The following SNTG1 variants were observed in gnomAD, a reference collection of about 807,000 sequenced individuals.
SNTG1 encodes the protein syntrophin gamma 1, also known as gamma-1-syntrophin.
Under a neutral mutation model 74.7 loss-of-function variants are expected in SNTG1, and 39 were observed. That is an observed-to-expected ratio of 0.52 (90% CI 0.40 to 0.68). SNTG1 has a LOEUF of 0.68. Ranked by LOEUF, SNTG1 falls within the 30% of genes least tolerant of loss-of-function variation. The probability of loss-of-function intolerance (pLI) is 0.00; values close to 1 mark genes in which losing one functional copy is unlikely to be tolerated. For missense variants in SNTG1, 685 were observed against 609.5 expected (o/e 1.12, Z -1.30); for synonymous variants, 254 against 217.1 (o/e 1.17, Z -1.49).
At chr8:50,782,426 A>G (rs1455870256) in intron 18 of SNTG1, among the ~76,000 whole-genome samples, 6 of 151,886 alleles carry the variant, frequency 4.0e-5, no homozygotes, top group African/African-American at 1.2e-4. Flanking sequence ...TTTTCTCTAA[A>G]CTTTCCTTCT....
At chr8:50,671,198 C>A (rs1046613324) in intron 15 of SNTG1, among the ~76,000 whole-genome samples, 160 of 152,064 alleles carry the variant, frequency 1.1e-3, no homozygotes, top group African/African-American at 3.6e-3. Context: ...CAAATGGGAT[C>A]TAATTAAACT....
chr8:50,202,955 C>A (rs1314093814), intron 2 of SNTG1, among the ~76,000 whole-genome samples: 1 of 151,798 alleles, frequency 6.6e-6, no homozygotes. Flanking sequence ...TCAAATATTT[C>A]TTGGTTTTGT....
chr8:50,679,509 A>C (rs1392796219), intron 15 of SNTG1, among the ~76,000 whole-genome samples: 1 of 152,186 alleles, frequency 6.6e-6, no homozygotes, highest in Non-Finnish European at 1.5e-5. Flanking sequence ...TAAGCATTCA[A>C]TACATGTTAG....
intron 2 of SNTG1, among the ~76,000 whole-genome samples, chr8:50,276,956 A>T (rs2088148608): frequency 1.3e-5 from 2 of 151,958 alleles, no homozygotes; most frequent in Non-Finnish European, 2.9e-5. Flanking sequence ...CAGCCTCCCA[A>T]GTAGCTGAGA....
intron 2 of SNTG1, among the ~76,000 whole-genome samples, chr8:50,207,191 G>T (rs2084286660): frequency 6.6e-6 from 1 of 152,090 alleles, no homozygotes; most frequent in South Asian, 2.1e-4. Flanking sequence ...GAATCCCTCT[G>T]GTCCTGGACT....
intron 1 of SNTG1, among the ~76,000 whole-genome samples, chr8:50,003,845 A>C (rs1814969046): frequency 6.6e-6 from 1 of 152,196 alleles, no homozygotes; most frequent in Non-Finnish European, 1.5e-5. Flanking sequence ...AGAATTAAGT[A>C]ACTTCCAGGT....
intron 15 of SNTG1, among the ~76,000 whole-genome samples, chr8:50,664,087 G>A (rs1055270392): frequency 3.9e-5 from 6 of 152,070 alleles, no homozygotes; most frequent in Non-Finnish European, 1.5e-5. Context: ...TCAAAATTTA[G>A]GATCAACAAT....
chr8:50,265,967 A>T (rs180727096), intron 2 of SNTG1, among the ~76,000 whole-genome samples: 1 of 152,084 alleles, frequency 6.6e-6, no homozygotes, highest in Non-Finnish European at 1.5e-5. Context: ...AAGACATACC[A>T]TATTCATAGA....
intron 10 of SNTG1, among the ~76,000 whole-genome samples, chr8:50,532,431 A>G (rs753586638): frequency 6.6e-6 from 1 of 152,356 alleles, no homozygotes; most frequent in Non-Finnish European, 1.5e-5. Flanking sequence ...ATTAACTATA[A>G]CATAAGCAGA....
At chr8:49,944,577 G>T (rs1429392938) in intron 1 of SNTG1, among the ~76,000 whole-genome samples, 1 of 101,764 alleles carries the variant, frequency 9.8e-6, no homozygotes, top group African/African-American at 3.9e-5. Flanking sequence ...GGGGACTGTT[G>T]TGGGGTGGGG....
At chr8:50,269,820 G>A (rs982730918) in intron 2 of SNTG1, among the ~76,000 whole-genome samples, 1 of 152,132 alleles carries the variant, frequency 6.6e-6, no homozygotes, top group Admixed American at 6.6e-5. Flanking sequence ...CTGTGGTACA[G>A]GCAGTATGTG....
At chr8:50,549,822 T>TCAA (rs2094413444) in intron 11 of SNTG1, among the ~76,000 whole-genome samples, 1 of 152,172 alleles carries the variant, frequency 6.6e-6, no homozygotes, top group Admixed American at 6.5e-5. Flanking sequence ...ACCAAGCCGT[T>TCAA]CCACTGTTTA....
In SNTG1 at chr8:50,565,281, AAAT is replaced by A. The variant is rs560216018; in HGVS notation, c.810+12103_810+12105del. ...TTGGGATCCAGGAACAGCAAAAAAA[AAAT>A]GTTTGGTAAAACCTGTGGAAATCTG... is the stretch of plus-strand genomic sequence containing the variant. On this transcript the variant is annotated intron_variant, in intron 12 of 18. Coordinates refer to ENST00000642720, the MANE Select transcript of SNTG1 (RefSeq NM_018967.5). 1.5e-3 allele frequency among the ~76,000 whole-genome samples: 222 copies of A among 152,176 alleles called. 2 individuals are homozygous for A. Among genetic ancestry groups the A allele is most frequent in the Middle Eastern group, 0.01 (3 of 294 alleles).
intron 1 of SNTG1, among the ~76,000 whole-genome samples, chr8:49,964,616 C>A (rs1258425436): frequency 2.0e-5 from 3 of 152,310 alleles, no homozygotes; most frequent in Admixed American, 2.0e-4. Context: ...ATTAGTCCTT[C>A]TTTCTTCCCA....
chr8:50,046,740 T>C (rs10085950), intron 1 of SNTG1, among the ~76,000 whole-genome samples: 1 of 152,162 alleles, frequency 6.6e-6, no homozygotes, highest in African/African-American at 2.4e-5. Flanking sequence ...GATTTTCCTC[T>C]GCCACAAATG....
intron 2 of SNTG1, among the ~76,000 whole-genome samples, chr8:50,234,757 T>C (rs1349614933): frequency 6.6e-6 from 1 of 152,106 alleles, no homozygotes; most frequent in East Asian, 1.9e-4. Flanking sequence ...GATAAATTTA[T>C]ATCACAAAGT....
chr8:50,485,780 C>G (rs1222820946), intron 8 of SNTG1, among the ~76,000 whole-genome samples: 2 of 150,850 alleles, frequency 1.3e-5, no homozygotes, highest in Non-Finnish European at 3.0e-5. Context: ...CCTAGGTTTT[C>G]TTCTAGGGTT....
intron 1 of SNTG1, among the ~76,000 whole-genome samples, chr8:49,919,258 T>G (rs1397070434): frequency 6.6e-6 from 1 of 152,130 alleles, no homozygotes; most frequent in Non-Finnish European, 1.5e-5. Context: ...AAGGGAATAT[T>G]ACATATTGGG....
intron 2 of SNTG1, among the ~76,000 whole-genome samples, chr8:50,351,247 G>C (rs927497690): frequency 2.6e-5 from 4 of 152,170 alleles, no homozygotes; most frequent in Admixed American, 6.5e-5. Flanking sequence ...CAAGTTGTGG[G>C]AGTTTCAGTG....
Sources: gnomAD v4.1 joint callset for allele counts (sites outside exome capture counted in the v4.1 genomes callset) on GRCh38, gnomAD v4.1.1 for gene constraint, MANE v1.5 for transcripts, NCBI Gene and HGNC (gene_info 2026-07-23, HGNC 2026-07-21) for gene names.